Variants in CTNNA2 observed in about 807,000 individuals in gnomAD.
CTNNA2 encodes catenin alpha 2.
A neutral mutation model predicts 101.0 loss-of-function variants in CTNNA2; 42 were observed. The observed-to-expected ratio is 0.42, with a 90% CI of 0.32 to 0.54. The LOEUF (loss-of-function observed/expected upper bound fraction) is 0.54, where lower values mean the gene tolerates loss of function less well. Ranked by LOEUF, CTNNA2 falls within the 20% of genes least tolerant of loss-of-function variation. CTNNA2 has a pLI of 0.14. For missense variants in CTNNA2, 871 were observed against 1,223.1 expected, an observed-to-expected ratio of 0.71 and a Z score of 4.29; for synonymous variants, 450 against 456.4, an observed-to-expected ratio of 0.99 and a Z score of 0.18.
chr2:79,955,794 G>A (rs573242048), intron 7 of CTNNA2, among the ~76,000 whole-genome samples: 14 of 152,268 alleles, frequency 9.2e-5, no homozygotes, highest in African/African-American at 3.4e-4. Context: ...GGGATTACAG[G>A]TGTGAGCCAC....
At chr2:80,406,294 A>G (rs1266774698) in intron 8 of CTNNA2, among the ~76,000 whole-genome samples, 3 of 151,532 alleles carry the variant, frequency 2.0e-5, no homozygotes, top group African/African-American at 7.3e-5. Flanking sequence ...AGATCGCGCC[A>G]CTGCACTCCA....
intron 7 of CTNNA2, among the ~76,000 whole-genome samples, chr2:80,360,706 T>A (rs1396316993): frequency 1.3e-5 from 2 of 152,080 alleles, no homozygotes; most frequent in African/African-American, 4.8e-5. Flanking sequence ...GAAGTACAAG[T>A]GAATCAGAAG....
chr2:80,127,475 C>CATG (rs1456012917), intron 7 of CTNNA2, among the ~76,000 whole-genome samples: 1 of 152,148 alleles, frequency 6.6e-6, no homozygotes, highest in Non-Finnish European at 1.5e-5. Flanking sequence ...AACCATCTAA[C>CATG]ATGACAGATG....
intron 7 of CTNNA2, among the ~76,000 whole-genome samples, chr2:80,186,813 A>G (rs1464299761): frequency 6.6e-6 from 1 of 151,978 alleles, no homozygotes; most frequent in Non-Finnish European, 1.5e-5. Context: ...CTTTTTTCTT[A>G]TTTATGTCTC....
At chr2:79,565,072 T>A (rs1023045633) in intron 1 of CTNNA2, among the ~76,000 whole-genome samples, 23 of 151,918 alleles carry the variant, frequency 1.5e-4, no homozygotes, top group African/African-American at 5.6e-4. Context: ...AGGATTTAAG[T>A]GAGGGAATGA....
chr2:80,383,658 T>C (rs1247623976), intron 7 of CTNNA2, among the ~76,000 whole-genome samples: 1 of 151,922 alleles, frequency 6.6e-6, no homozygotes, highest in Non-Finnish European at 1.5e-5. Context: ...CAGGCACCAA[T>C]ATGAGCCTAT....
intron 10 of CTNNA2, 64 bp downstream of exon 10, chr2:80,545,138 C>T (rs1691928564): frequency 3.4e-6 from 5 of 1,454,952 alleles, no homozygotes; most frequent in South Asian, 2.4e-5. Context: ...GCCCTTGTGC[C>T]CCTCCTTTTC....
intron 9 of CTNNA2, among the ~76,000 whole-genome samples, chr2:80,503,006 CA>C (rs1687993338): frequency 6.6e-6 from 1 of 152,072 alleles, no homozygotes; most frequent in African/African-American, 2.4e-5. Context: ...CTTGTTTCTA[CA>C]AAAATTTTTT....
chr2:80,631,372 T>C (rs1413942528), intron 18 of CTNNA2, among the ~76,000 whole-genome samples: 1 of 151,946 alleles, frequency 6.6e-6, no homozygotes, highest in Non-Finnish European at 1.5e-5. Flanking sequence ...TTTTTTTTTT[T>C]TTTTTTTTAG....
At chr2:80,283,247 T>G (rs943010270) in intron 7 of CTNNA2, among the ~76,000 whole-genome samples, 5 of 152,008 alleles carry the variant, frequency 3.3e-5, no homozygotes, top group African/African-American at 1.2e-4. Context: ...GGATTTTGAC[T>G]CAAACAAACT....
At chr2:79,240,428 T>G (rs1674612274) in intron 2 of CTNNA2, among the ~76,000 whole-genome samples, 1 of 152,198 alleles carries the variant, frequency 6.6e-6, no homozygotes, top group South Asian at 2.1e-4. Flanking sequence ...TGCGTTCATG[T>G]GTACTCAATA....
At chr2:80,162,151 A>C (rs1314488012) in intron 7 of CTNNA2, among the ~76,000 whole-genome samples, 1 of 152,160 alleles carries the variant, frequency 6.6e-6, no homozygotes, top group East Asian at 1.9e-4. Context: ...CAAATAATTA[A>C]AATATCTGCT....
chr2:79,779,995 A>C (rs4852518), intron 3 of CTNNA2, among the ~76,000 whole-genome samples: 41,599 of 152,008 alleles, frequency 0.27, 6,277 homozygotes, highest in South Asian at 0.4. Flanking sequence ...ACAATCTATT[A>C]TCTCTGAAGC....
At chr2:79,510,464 G>A (rs1671511802), upstream of CTNNA2, among the ~76,000 whole-genome samples, 1 of 152,176 alleles carries the variant, frequency 6.6e-6, no homozygotes, top group Admixed American at 6.5e-5. Flanking sequence ...GTTATCAGAG[G>A]GAAATAAATA....
At chr2:80,531,687 G>T (rs1254561865) in intron 9 of CTNNA2, among the ~76,000 whole-genome samples, 2 of 152,100 alleles carry the variant, frequency 1.3e-5, no homozygotes, top group Non-Finnish European at 1.5e-5. Flanking sequence ...TCTGGCCCCA[G>T]AACTTTGTGC....
intron 7 of CTNNA2, among the ~76,000 whole-genome samples, chr2:80,354,085 C>T (rs1559037057): frequency 6.6e-6 from 1 of 152,128 alleles, no homozygotes; most frequent in Non-Finnish European, 1.5e-5. Context: ...GTTAACCACT[C>T]ACAACTGAGC....
At chr2:80,134,204 T>G (rs1397125105) in intron 7 of CTNNA2, among the ~76,000 whole-genome samples, 1 of 151,958 alleles carries the variant, frequency 6.6e-6, no homozygotes, top group East Asian at 1.9e-4. Context: ...AAGATGAGAG[T>G]AGGCTGAAAA....
In CTNNA2 at chr2:80,081,315, T is replaced by C. The variant is rs927215570; in HGVS notation, c.1056+171518T>C. The stretch of plus-strand genomic sequence containing the variant: ...TTCGAGGAGGATTGGGGTATAAAAC[T>C]GTCAATTCCCAGCAGCTCATAAACT... On this transcript the variant is annotated intron_variant, in intron 7 of 18. Coordinates refer to ENST00000402739, the MANE Select transcript of CTNNA2 (RefSeq NM_001282597.3). 2.6e-5 allele frequency among the ~76,000 whole-genome samples: 4 copies of C among 151,910 alleles called. No homozygotes were observed. The South Asian group carries it at 6.3e-4, about 24-fold the overall frequency.
chr2:79,937,178 G>T (rs1687848026), intron 7 of CTNNA2, among the ~76,000 whole-genome samples: 1 of 151,712 alleles, frequency 6.6e-6, no homozygotes, highest in Admixed American at 6.6e-5. Flanking sequence ...AATAGTATTT[G>T]GTAGTGCTTT....
Sources: gnomAD v4.1 joint callset for allele counts (sites outside exome capture counted in the v4.1 genomes callset) on GRCh38, gnomAD v4.1.1 for gene constraint, MANE v1.5 for transcripts, NCBI Gene and HGNC (gene_info 2026-07-23, HGNC 2026-07-21) for gene names.